The following DDX11 variants were observed in gnomAD, a reference collection of about 807,000 sequenced individuals.
DDX11 encodes ATP-dependent DNA helicase DDX11.
DDX11 carries 72 observed loss-of-function variants against 125.2 expected under a neutral mutation model. The observed-to-expected ratio is 0.58, with a 90% CI of 0.48 to 0.70. DDX11 has a LOEUF of 0.70. Among genes scored for constraint, DDX11 ranks in the 30% least tolerant of loss-of-function variants. The pLI, the probability that DDX11 is intolerant of heterozygous loss-of-function variation, is 0.00. For missense variants in DDX11, 883 were observed against 1,165.0 expected (o/e 0.76, Z 3.52); for synonymous variants, 347 against 452.6 (o/e 0.77, Z 2.96).
intron 2 of DDX11, among the ~76,000 whole-genome samples, chr12:31,083,521 G>A (rs573757109): frequency 3.3e-5 from 5 of 152,146 alleles, no homozygotes; most frequent in East Asian, 3.9e-4. Context: ...AATTATGTGC[G>A]ATATTTACAT....
At chr12:31,089,781 C>T (rs1291630987) in intron 8 of DDX11, 105 bp from the exon 9 acceptor site, 7 of 1,545,550 alleles carry the variant, frequency 4.5e-6, no homozygotes, top group Non-Finnish European at 6.1e-6. Flanking sequence ...GTCTTATAGA[C>T]CCTACCCCAT....
chr12:31,073,948 A>C lies in DDX11; in HGVS notation c.-148A>C, dbSNP rs1472787185. The C allele has an allele frequency of 1.8e-4, 27 of 152,284 alleles. No individual in the cohort carries two copies. The highest frequency in any genetic ancestry group is 3.8e-4 in the Non-Finnish European group (26 of 68,064). The allele number at this position is 152,284 out of a possible 1,614,324, so 9.4% of individuals were successfully genotyped here. On this transcript the variant is annotated 5_prime_UTR_variant, in exon 1 of 27. Coordinates refer to ENST00000542838, the MANE Select transcript of DDX11 (RefSeq NM_030653.4). ...ATTCCCGGGGCCTGGCTTTCAGCGT[A>C]GCAATTCTGCCGGCGAAGAAGGTGA...
At chr12:31,085,346 C>G (rs1942927285) in intron 5 of DDX11, among the ~76,000 whole-genome samples, 3 of 152,234 alleles carry the variant, frequency 2.0e-5, no homozygotes. Context: ...CTCACGGCAG[C>G]TCAGGCAGGG....
rs1942508687 is a variant in DDX11 at position 31,083,878 on chromosome 12, TGAA to T, written c.216_218del (p.Glu73del). On this transcript the variant is annotated inframe_deletion, in exon 3 of 27. Coordinates refer to ENST00000542838, the MANE Select transcript of DDX11 (RefSeq NM_030653.4). ...TCCGTGACTTTGAACAGAAGAAGCG[TGAA>T]GAAGAGGCACGACTCCTTGAAACTG... 2 of 1,613,158 alleles carry T rather than the reference TGAA, an allele frequency of 1.2e-6. No individual in the cohort carries two copies. Among genetic ancestry groups the T allele is most frequent in the African/African-American group, 1.3e-5 (1 of 74,994 alleles).
At chr12:31,099,376 G>A (rs1945979990) in intron 18 of DDX11, among the ~76,000 whole-genome samples, 1 of 151,886 alleles carries the variant, frequency 6.6e-6, no homozygotes, top group African/African-American at 2.4e-5. Flanking sequence ...ACCACGCCTG[G>A]CCCATATTGG....
At chr12:31,089,662 G>C in intron 8 of DDX11, 172 bp downstream of exon 8, 1 of 1,095,438 alleles carries the variant, frequency 9.1e-7, no homozygotes, top group Non-Finnish European at 1.4e-6. Context: ...CTGGGTCAGT[G>C]TCTGGTCCGA....
chr12:31,096,869 C>T lies in DDX11; in HGVS notation c.1641C>T (p.Ala547=), dbSNP rs1468074859. The change falls in exon 17 of 27, where the codon GCC becomes GCT. Residue 547 remains alanine, a synonymous_variant. Transcript: ENST00000542838. The part of the protein sequence containing the change: ...LQPRTTEALA[A]PADESQASTL... ...TTCTGCTCTGTGCAGCTCTTGCAGC[C>T]CCTGCAGACGAGAGTCAGGCCAGCA... 1.2e-6 allele frequency: 2 copies of T among 1,614,064 alleles called. No homozygotes were observed. Among genetic ancestry groups the T allele is most frequent in the Admixed American group, 1.7e-5 (1 of 60,004 alleles).
chr12:31,084,359 G>A lies in DDX11; in HGVS notation c.394-224G>A, dbSNP rs577639594. On this transcript the variant is annotated intron_variant, in intron 3 of 26. Transcript: ENST00000542838. Reference sequence around the variant, plus strand: ...AATGGCTGCAAATGGATCTGATGGAGAGCGTGTGGCTTTGGGAGGAGTGTG... The same window carrying A: ...AATGGCTGCAAATGGATCTGATGGAAAGCGTGTGGCTTTGGGAGGAGTGTG... Among the ~76,000 whole-genome samples, 5 of 152,358 alleles carry A rather than the reference G, an allele frequency of 3.3e-5. No homozygotes were observed. The East Asian group carries it at 9.6e-4, about 29-fold the overall frequency.
chr12:31,101,151 C>G, intron 20 of DDX11, 21 bp downstream of exon 20: 1 of 1,604,764 alleles, frequency 6.2e-7, no homozygotes, highest in Non-Finnish European at 8.5e-7. Flanking sequence ...GCCAGCTCGC[C>G]GCACCACAGC....
chr12:31,093,672 G>C, intron 12 of DDX11: 1 of 333,440 alleles, frequency 3.0e-6, no homozygotes, highest in Non-Finnish European at 5.8e-6. Context: ...AGTGAGCCGA[G>C]ATTGTGCCAC....
At chr12:31,097,249 G>C (rs936713490) in intron 17 of DDX11, among the ~76,000 whole-genome samples, 1 of 151,920 alleles carries the variant, frequency 6.6e-6, no homozygotes, top group South Asian at 2.1e-4. Context: ...GCTGGGATGG[G>C]GGTCCTCTAG....
Position 31,089,881 on chromosome 12 carries a change from C to T in DDX11, c.881-5C>T, listed in dbSNP as rs549544710. 60 of 1,610,588 alleles carry T rather than the reference C, an allele frequency of 3.7e-5. No homozygotes were observed. The African/African-American group carries it at 7.7e-4, about 21-fold the overall frequency. Reference sequence around the variant, plus strand: ...TTTCTCTCTTTGTGCCTGTGCCACCCTCAGAGAAGAAGAAAGGAGCTGAGG... The same window carrying T: ...TTTCTCTCTTTGTGCCTGTGCCACCTTCAGAGAAGAAGAAAGGAGCTGAGG... On this transcript the variant is annotated splice_region_variant and splice_polypyrimidine_tract_variant and intron_variant, in intron 8 of 26. Transcript: ENST00000542838.
intron 5 of DDX11, chr12:31,087,577 G>A (rs1354682367): frequency 5.5e-6 from 2 of 364,944 alleles, no homozygotes; most frequent in Admixed American, 7.5e-5. Context: ...ACATCCGAAG[G>A]CCTGAGATGA....
intron 2 of DDX11, among the ~76,000 whole-genome samples, chr12:31,081,527 A>C (rs2553153): frequency 0.53 from 78,927 of 149,186 alleles, 22,036 homozygotes; most frequent in East Asian, 0.81. Context: ...TCCGGGAGTC[A>C]TCCAACCTGG....
chr12:31,095,656 C>A (rs1262033769), intron 14 of DDX11, among the ~76,000 whole-genome samples: 1 of 152,208 alleles, frequency 6.6e-6, no homozygotes, highest in Non-Finnish European at 1.5e-5. Context: ...CTCCCACATG[C>A]CTGTGACAGC....
rs1942460113 is a variant in DDX11 at position 31,083,670 on chromosome 12, T to C, written c.145-143T>C. On this transcript the variant is annotated intron_variant, in intron 2 of 26. Transcript: ENST00000542838. ...CTGGCTATTCTAGTGCTAATTTCCT[T>C]CCTTTCCTTTCCTAGGCTGGTCTTA... 8 of 1,074,044 alleles carry C rather than the reference T, an allele frequency of 7.4e-6. No individual in the cohort carries two copies. In the South Asian group the frequency reaches 8.3e-5, roughly 11 times the overall value. 66.5% of individuals were successfully genotyped at this position (1,074,044 alleles called of 1,614,324 possible).
chr12:31,096,963 G>A lies in DDX11; in HGVS notation c.1735G>A (p.Asp579Asn), dbSNP rs145547443. 3 of 1,613,766 alleles carry A rather than the reference G, an allele frequency of 1.9e-6. No individual in the cohort carries two copies. The African/African-American group carries it at 4.0e-5, about 22-fold the overall frequency. Residue 579 changes from aspartate to asparagine, a missense_variant, in exon 17 of 27, where the codon GAC becomes AAC. Physicochemically the swap from Asp to Asn is conservative, Grantham distance 23 (BLOSUM62 1). Coordinates refer to ENST00000542838, the MANE Select transcript of DDX11 (RefSeq NM_030653.4). ...GGCAGCTCTCACTACGGCCAACCAG[G>A]ACGGCAGGGTCATCCTGAGCCGCCA... ...FLAALTTANQDGRVILSRQGS... is the reference protein window; with the variant it reads ...FLAALTTANQNGRVILSRQGS...
rs554961448 is a variant in DDX11 at position 31,104,183 on chromosome 12, C to T, written c.*347C>T. ...AGCTGTGGCATCCACTGTGGCATCT[C>T]CGTCCTGCCCACCTTCTTAAGAGGC... On this transcript the variant is annotated 3_prime_UTR_variant, in exon 27 of 27. Coordinates refer to ENST00000542838, the MANE Select transcript of DDX11 (RefSeq NM_030653.4). 1,052 of 1,317,344 alleles carry T rather than the reference C, an allele frequency of 8.0e-4. 17 individuals are homozygous for T. In the South Asian group the frequency reaches 0.015, roughly 19 times the overall value. 81.6% of individuals were successfully genotyped at this position (1,317,344 alleles called of 1,614,324 possible).
At chr12:31,078,647 GTC>G in intron 2 of DDX11, 110 bp downstream of exon 2, 3 of 1,478,094 alleles carry the variant, frequency 2.0e-6, no homozygotes, top group Non-Finnish European at 2.8e-6. Context: ...GGGCAGAGTA[GTC>G]TCTGTTTATC....
Sources: gnomAD v4.1 joint callset for allele counts (sites outside exome capture counted in the v4.1 genomes callset) on GRCh38, gnomAD v4.1.1 for gene constraint, MANE v1.5 for transcripts, NCBI Gene and HGNC (gene_info 2026-07-23, HGNC 2026-07-21) for gene names.